The following RCAN1 variants were observed in gnomAD, a reference collection of about 807,000 sequenced individuals.
RCAN1 encodes calcipressin-1.
A neutral mutation model predicts 22.9 loss-of-function variants in RCAN1; 11 were observed. The ratio of observed to expected loss-of-function variants is 0.48; its 90% CI spans 0.30 to 0.79. The LOEUF is 0.79. Among genes scored for constraint, RCAN1 ranks in the 30% least tolerant of loss-of-function variants. The probability of loss-of-function intolerance (pLI) is 0.06; values close to 1 mark genes in which losing one functional copy is unlikely to be tolerated. For synonymous variants in RCAN1, 136 were observed against 142.3 expected, an observed-to-expected ratio of 0.96 and a Z score of 0.32; for missense variants, 291 against 337.8, an observed-to-expected ratio of 0.86 and a Z score of 1.09.
intron 1 of RCAN1, among the ~76,000 whole-genome samples, chr21:34,525,892 C>T (rs1239734090): frequency 6.6e-6 from 1 of 151,024 alleles, no homozygotes; most frequent in Non-Finnish European, 1.5e-5. Flanking sequence ...TATGGAGTTA[C>T]ATTTGATTTT....
At chr21:34,602,505 C>T (rs1988387689) in intron 1 of RCAN1, among the ~76,000 whole-genome samples, 1 of 152,168 alleles carries the variant, frequency 6.6e-6, no homozygotes, top group South Asian at 2.1e-4. Flanking sequence ...TGAACTGTAA[C>T]ACAGTGAATT....
rs188495818 is a variant in RCAN1, at chr21:34,526,894, T to G, written c.253-3184A>C. On this transcript the variant is annotated intron_variant, in intron 1 of 3. Coordinates refer to ENST00000313806, the MANE Select transcript of RCAN1 (RefSeq NM_004414.7). ...CCCCACTCCCTGGGGAAAAAAAAAG[T>G]GCAGCTTCCACAGCATCCTGTTTGG... 10 of 1,452,538 alleles carry G rather than the reference T, an allele frequency of 6.9e-6. No homozygotes were observed. The Admixed American group carries it at 2.2e-4, about 32-fold the overall frequency. The allele number at this position is 1,452,538 out of a possible 1,614,324, so 90.0% of individuals were successfully genotyped here. A position where few individuals can be genotyped will look rare whatever the true frequency, so the allele number is the denominator to read the frequency against.
chr21:34,582,923 G>A (rs778070830), intron 1 of RCAN1, among the ~76,000 whole-genome samples: 8 of 152,144 alleles, frequency 5.3e-5, no homozygotes, highest in African/African-American at 9.7e-5. Flanking sequence ...TTGGCTGTGC[G>A]GTGTGGAGAT....
chr21:34,521,789 C>G (rs1984579299), intron 2 of RCAN1, 131 bp from the exon 3 acceptor site: 1 of 730,524 alleles, frequency 1.4e-6, no homozygotes. Context: ...GATTCCAGGA[C>G]CAATTGTAAG....
chr21:34,604,212 C>A (rs1189966565), intron 1 of RCAN1, among the ~76,000 whole-genome samples: 1 of 152,148 alleles, frequency 6.6e-6, no homozygotes, highest in Non-Finnish European at 1.5e-5. Context: ...CTCATTGCAA[C>A]CTCCGCCTCC....
At chr21:34,580,482 C>T (rs1987567620) in intron 1 of RCAN1, among the ~76,000 whole-genome samples, 1 of 152,230 alleles carries the variant, frequency 6.6e-6, no homozygotes, top group Non-Finnish European at 1.5e-5. Flanking sequence ...GTTAAAATAT[C>T]ACCACAGCTC....
intron 1 of RCAN1, among the ~76,000 whole-genome samples, chr21:34,608,201 A>G (rs1988588644): frequency 6.6e-6 from 1 of 152,190 alleles, no homozygotes; most frequent in South Asian, 2.1e-4. Flanking sequence ...TCCTGAAACT[A>G]GCTCCCTGCC....
intron 1 of RCAN1, among the ~76,000 whole-genome samples, chr21:34,530,360 A>G (rs533662081): frequency 4.6e-5 from 7 of 152,268 alleles, no homozygotes; most frequent in African/African-American, 1.7e-4. Flanking sequence ...GAATTCCATC[A>G]TTCCCATTAC....
At chr21:34,529,856 G>GCT (rs1985279367) in intron 1 of RCAN1, among the ~76,000 whole-genome samples, 1 of 152,058 alleles carries the variant, frequency 6.6e-6, no homozygotes, top group African/African-American at 2.4e-5. Context: ...AATCATGGGG[G>GCT]GCCAGTCTTT....
intron 3 of RCAN1, among the ~76,000 whole-genome samples, chr21:34,519,855 T>A (rs1247353309): frequency 6.6e-6 from 1 of 152,168 alleles, no homozygotes; most frequent in East Asian, 1.9e-4. Flanking sequence ...ATAAGGAAGG[T>A]GGTGATCTTT....
rs7282741 is a variant in RCAN1, at chr21:34,614,089, G to C, written c.252+671C>G. 6.6e-6 allele frequency among the ~76,000 whole-genome samples: 1 copy of C among 152,156 alleles called. No homozygotes were observed. The highest frequency in any genetic ancestry group is 1.9e-4 in the East Asian group (1 of 5,188). On this transcript the variant is annotated intron_variant, in intron 1 of 3. Coordinates refer to ENST00000313806, the MANE Select transcript of RCAN1 (RefSeq NM_004414.7). The surrounding 1 kb of genome is among the most constrained non-coding windows in gnomAD (Gnocchi z 6.0). Reference sequence around the variant, plus strand: ...ATTGTGTGGATTTTGCGGGGGTGGGGGGAGGCGGGGGAAGGAGTCGACTCC... The same window carrying C: ...ATTGTGTGGATTTTGCGGGGGTGGGCGGAGGCGGGGGAAGGAGTCGACTCC...
At chr21:34,559,933 C>A (rs750848951) in intron 1 of RCAN1, 1 of 152,140 alleles carries the variant, frequency 6.6e-6, no homozygotes, top group African/African-American at 2.4e-5. Flanking sequence ...GAAAAAGGCA[C>A]GGTTCAGGTA....
At chr21:34,592,074 G>A (rs905491395) in intron 1 of RCAN1, among the ~76,000 whole-genome samples, 5 of 152,218 alleles carry the variant, frequency 3.3e-5, no homozygotes, top group Non-Finnish European at 7.3e-5. Flanking sequence ...CAGCATTTCA[G>A]ATCTGTCTTA....
chr21:34,552,131 G>GGGC (rs1021146559), intron 1 of RCAN1, among the ~76,000 whole-genome samples: 65 of 152,152 alleles, frequency 4.3e-4, no homozygotes, highest in African/African-American at 1.5e-3. Context: ...GGATACAGAA[G>GGGC]GGCTGGCTCT....
intron 1 of RCAN1, among the ~76,000 whole-genome samples, chr21:34,533,193 C>T (rs1426842040): frequency 6.6e-6 from 1 of 152,078 alleles, no homozygotes; most frequent in Admixed American, 6.5e-5. Context: ...ATCTCCTGAC[C>T]TCATGATCTG....
chr21:34,535,302 T>A lies in RCAN1; in HGVS notation c.253-11592A>T, dbSNP rs76549654. ...CTATTTTTGTTCACTTTTAGGGCAA[T>A]CAGGAAATGGGCTCAGGAGTGTATT... On this transcript the variant is annotated intron_variant, in intron 1 of 3. Coordinates refer to ENST00000313806, the MANE Select transcript of RCAN1 (RefSeq NM_004414.7). Among the ~76,000 whole-genome samples the A allele has an allele frequency of 1.5e-3, 224 of 152,306 alleles. 1 individual carries two copies. Among genetic ancestry groups the A allele is most frequent in the African/African-American group, 5.1e-3 (211 of 41,564 alleles).
At chr21:34,571,597 C>T (rs547441189) in intron 1 of RCAN1, among the ~76,000 whole-genome samples, 3 of 152,156 alleles carry the variant, frequency 2.0e-5, no homozygotes, top group Admixed American at 2.0e-4. Flanking sequence ...CACTCTGTTG[C>T]CCCAGCTGGG....
intron 1 of RCAN1, among the ~76,000 whole-genome samples, chr21:34,571,800 G>A (rs556214591): frequency 1.4e-4 from 21 of 152,196 alleles, no homozygotes; most frequent in South Asian, 1.2e-3. Flanking sequence ...CTCTCGCCTC[G>A]GCCTCCCAAA....
chr21:34,563,770 A>ATATATAT (rs1491234478), intron 1 of RCAN1, among the ~76,000 whole-genome samples: 20 of 65,408 alleles, frequency 3.1e-4, no homozygotes, highest in African/African-American at 8.3e-4. Context: ...AAAAAAAAAA[A>ATATATAT]ATATATATAT....
Sources: gnomAD v4.1 joint callset for allele counts (sites outside exome capture counted in the v4.1 genomes callset) on GRCh38, gnomAD v4.1.1 for gene constraint, Gnocchi (gnomAD v3.1) non-coding constraint, MANE v1.5 for transcripts, NCBI Gene and HGNC (gene_info 2026-07-23, HGNC 2026-07-21) for gene names.